HEATR1: variants seen among roughly 807,000 people sequenced by gnomAD.
HEATR1 encodes the protein HEAT repeat containing 1.
A neutral mutation model predicts 248.2 loss-of-function variants in HEATR1; 77 were observed. The ratio of observed to expected loss-of-function variants is 0.31; its 90% CI spans 0.26 to 0.37. The LOEUF is 0.37. Among genes scored for constraint, HEATR1 ranks in the 10% least tolerant of loss-of-function variants. HEATR1 has a pLI of 1.00. For synonymous variants in HEATR1, 897 were observed against 923.1 expected (o/e 0.97, Z 0.51); for missense variants, 2,420 against 2,504.9 (o/e 0.97, Z 0.72).
chr1:236,572,925 A>G (rs1318417435), intron 24 of HEATR1, 97 bp from the exon 25 acceptor site: 2 of 1,110,992 alleles, frequency 1.8e-6, no homozygotes, highest in South Asian at 1.3e-5. Flanking sequence ...TTCAATTAAG[A>G]GGGAAGAATG....
intron 8 of HEATR1, among the ~76,000 whole-genome samples, chr1:236,595,136 T>G (rs1664137268): frequency 6.6e-6 from 1 of 152,200 alleles, no homozygotes; most frequent in South Asian, 2.1e-4. Flanking sequence ...TGGTCTTATA[T>G]TTTTAATTAC....
rs755825480 is a variant in HEATR1 at position 236,604,106 on chromosome 1, A to T, written c.-11T>A. Reference sequence around the variant, plus strand: ...GGCTAAGGACGTCATCTTTCACGCCAGCGGAGTTTTAATGACACGGGCTAA... The same window carrying T: ...GGCTAAGGACGTCATCTTTCACGCCTGCGGAGTTTTAATGACACGGGCTAA... On this transcript the variant is annotated 5_prime_UTR_variant, in exon 2 of 45. Transcript: ENST00000366582. 4 of 1,550,494 alleles carry T rather than the reference A, an allele frequency of 2.6e-6. No homozygotes were observed. The highest frequency in any genetic ancestry group is 1.4e-5 in the African/African-American group (1 of 70,910).
chr1:236,583,723 A>G (rs943828379), intron 17 of HEATR1, among the ~76,000 whole-genome samples: 1 of 151,954 alleles, frequency 6.6e-6, no homozygotes, highest in African/African-American at 2.4e-5. Context: ...CTGTCCTCAG[A>G]TGATCCACCC....
chr1:236,587,152 T>C (rs531669686), intron 14 of HEATR1, among the ~76,000 whole-genome samples: 1 of 152,258 alleles, frequency 6.6e-6, no homozygotes, highest in South Asian at 2.1e-4. Flanking sequence ...TGCAATATCA[T>C]ACATTATATA....
chr1:236,585,772 A>G (rs145865871), intron 16 of HEATR1, 48 bp downstream of exon 16: 1 of 1,558,058 alleles, frequency 6.4e-7, no homozygotes, highest in Non-Finnish European at 8.7e-7. Flanking sequence ...GAATTTAATA[A>G]GAGTATGAGA....
In HEATR1 at chr1:236,549,982, TTTAA is replaced by T. The variant is rs1435096722; in HGVS notation, c.*916_*919del. The T allele has an allele frequency of 1.3e-5, 2 of 152,230 alleles. No individual in the cohort carries two copies. Among genetic ancestry groups the T allele is most frequent in the Admixed American group, 1.3e-4 (2 of 15,280 alleles). The allele number at this position is 152,230 out of a possible 1,614,324, so 9.4% of individuals were successfully genotyped here. A position where few individuals can be genotyped will look rare whatever the true frequency, so the allele number is the denominator to read the frequency against. ...AACTTCTATATTAGCTTCAAAGGCT[TTTAA>T]ACTCAATGCGAACATTCTACGGGAT... On this transcript the variant is annotated 3_prime_UTR_variant, in exon 45 of 45. Coordinates refer to ENST00000366582, the MANE Select transcript of HEATR1 (RefSeq NM_018072.6).
At chr1:236,577,948 T>G (rs1485369318) in intron 20 of HEATR1, among the ~76,000 whole-genome samples, 1 of 152,224 alleles carries the variant, frequency 6.6e-6, no homozygotes, top group Non-Finnish European at 1.5e-5. Context: ...GCACGGGAAA[T>G]TACCCACCTG....
Position 236,555,293 on chromosome 1 carries a change from CACCT to C in HEATR1, c.5922_5923+2del. 1.2e-6 allele frequency: 2 copies of C among 1,613,756 alleles called. No homozygotes were observed. The highest frequency in any genetic ancestry group is 1.7e-6 in the Non-Finnish European group (2 of 1,179,800). On this transcript the variant is annotated splice_donor_variant and coding_sequence_variant, in exon 41 of 45. Coordinates refer to ENST00000366582, the MANE Select transcript of HEATR1 (RefSeq NM_018072.6). LOFTEE classifies it high-confidence loss of function. ...TGACAGCTGAACTGAAGCGACCACC[CACCT>C]GTTTTGGAGATGTTCACCTGGTTCA...
Position 236,581,230 on chromosome 1 carries a change from G to C in HEATR1, c.2747C>G (p.Ser916Cys), listed in dbSNP as rs1333314953. Residue 916 changes from serine to cysteine, a missense_variant, in exon 20 of 45, where the codon TCT (serine) becomes TGT (cysteine). Coordinates refer to ENST00000366582, the MANE Select transcript of HEATR1 (RefSeq NM_018072.6). Reference sequence around the variant, plus strand: ...AATGCTACTTTTAATACCTGGAGAAGATATGGATGCCAGTTGGTGTTTACA... The same window carrying C: ...AATGCTACTTTTAATACCTGGAGAACATATGGATGCCAGTTGGTGTTTACA... ...TQCKHQLASI[S>C]SPVVTSLLIN... 3.1e-6 allele frequency: 5 copies of C among 1,611,790 alleles called. No individual in the cohort carries two copies. Among genetic ancestry groups the C allele is most frequent in the Non-Finnish European group, 4.2e-6 (5 of 1,178,304 alleles).
chr1:236,575,552 G>A lies in HEATR1; in HGVS notation c.3085-649C>T, dbSNP rs147113570. 5.5e-3 allele frequency among the ~76,000 whole-genome samples: 842 copies of A among 152,180 alleles called. 10 individuals carry two copies. The highest frequency in any genetic ancestry group is 0.019 in the African/African-American group (785 of 41,496). On this transcript the variant is annotated intron_variant, in intron 22 of 44. Transcript: ENST00000366582. ...TCAATTATTAATTTAAACTATACCA[G>A]GGACAACTAAGGGCTGAATGCAACC...
At chr1:236,560,123 A>T (rs1261370687) in intron 33 of HEATR1, among the ~76,000 whole-genome samples, 1 of 149,990 alleles carries the variant, frequency 6.7e-6, no homozygotes, top group Non-Finnish European at 1.5e-5. Flanking sequence ...ACTCACTCAT[A>T]TCTAGCTCAT....
intron 23 of HEATR1, 56 bp downstream of exon 23, chr1:236,574,605 T>C: frequency 6.5e-7 from 1 of 1,549,196 alleles, no homozygotes; most frequent in Non-Finnish European, 8.7e-7. Flanking sequence ...CCTGTTGCCT[T>C]CTACCTTTAA....
rs1344131227 is a variant in HEATR1 at position 236,596,082 on chromosome 1, A to G, written c.745-38T>C. 5 of 1,434,270 alleles carry G rather than the reference A, an allele frequency of 3.5e-6. No individual in the cohort carries two copies. In the South Asian group the frequency reaches 3.6e-5, roughly 10 times the overall value. The allele number at this position is 1,434,270 out of a possible 1,614,324, so 88.8% of individuals were successfully genotyped here. On this transcript the variant is annotated intron_variant, in intron 6 of 44. Coordinates refer to ENST00000366582, the MANE Select transcript of HEATR1 (RefSeq NM_018072.6). ...TAAATATAAGGAAAAATGATAAACC[A>G]TATTATTTTCTGCTACTTTAAATGT...
chr1:236,561,840 A>G (rs1663141047), intron 32 of HEATR1, among the ~76,000 whole-genome samples: 1 of 152,098 alleles, frequency 6.6e-6, no homozygotes. Context: ...TTATCTATCC[A>G]TTTGCCTCTG....
At position 236,582,737 on chromosome 1, in the gene HEATR1, T is replaced by C; in HGVS notation, c.2561A>G (p.Lys854Arg). The C allele has an allele frequency of 6.2e-7, 1 of 1,614,134 alleles. No homozygotes were observed. Residue 854 changes from lysine (K) to arginine (R), a missense_variant and splice_region_variant, in exon 19 of 45, where the codon AAG becomes AGG. Lys to Arg is a conservative substitution (Grantham distance 26). Transcript: ENST00000366582. ...HFRVLMKLFIKVHLEDVFQLF... is the reference protein window; with the variant it reads ...HFRVLMKLFIRVHLEDVFQLF... Reference sequence around the variant, plus strand: ...GCCTGAAAAGGAGGAGGCTTGTACCTTTATGAAAAGTTTCATCAGAACTCT... The same window carrying C: ...GCCTGAAAAGGAGGAGGCTTGTACCCTTATGAAAAGTTTCATCAGAACTCT...
intron 32 of HEATR1, among the ~76,000 whole-genome samples, chr1:236,563,350 T>C (rs567238505): frequency 7.2e-5 from 11 of 152,196 alleles, no homozygotes; most frequent in African/African-American, 2.6e-4. Context: ...GGCTCGATCT[T>C]GGCTCACTGC....
chr1:236,560,446 C>A (rs556119066), intron 33 of HEATR1, among the ~76,000 whole-genome samples: 1 of 152,210 alleles, frequency 6.6e-6, no homozygotes, highest in African/African-American at 2.4e-5. Context: ...GAGGGGGGAG[C>A]TAGAGGGAAG....
rs2103117769 is a variant in HEATR1, at chr1:236,550,694, CTT to C, written c.*206_*207del. 4.3e-6 allele frequency: 2 copies of C among 468,756 alleles called. No individual in the cohort carries two copies. The highest frequency in any genetic ancestry group is 6.6e-5 in the East Asian group (2 of 30,400). The allele number at this position is 468,756 out of a possible 1,614,324, so 29.0% of individuals were successfully genotyped here. A position where few individuals can be genotyped will look rare whatever the true frequency, so the allele number is the denominator to read the frequency against. On this transcript the variant is annotated 3_prime_UTR_variant, in exon 45 of 45. Transcript: ENST00000366582. ...ATAAAAATACCGTGTATCATTTACT[CTT>C]TCTGCAGCTCTATACGATAGGCAGG...
chr1:236,600,191 A>C (rs1664283142), intron 3 of HEATR1, among the ~76,000 whole-genome samples: 1 of 129,760 alleles, frequency 7.7e-6, no homozygotes, highest in South Asian at 2.4e-4. Flanking sequence ...GCAGTGGCAC[A>C]ATCTCGGCTC....
Sources: gnomAD v4.1 joint callset for allele counts (sites outside exome capture counted in the v4.1 genomes callset) on GRCh38, gnomAD v4.1.1 for gene constraint, MANE v1.5 for transcripts, NCBI Gene and HGNC (gene_info 2026-07-23, HGNC 2026-07-21) for gene names.